GPR55: variants seen among roughly 807,000 people sequenced by gnomAD.
GPR55 encodes G-protein coupled receptor 55.
Under a neutral mutation model 7.9 loss-of-function variants are expected in GPR55, and 6 were observed. The observed-to-expected ratio is 0.76, with a 90% CI of 0.41 to 1.49. The LOEUF is 1.49. GPR55 is among the 40% of genes most tolerant of loss of function. GPR55 has a pLI of 0.01. For synonymous variants in GPR55, 183 were observed against 166.8 expected, an observed-to-expected ratio of 1.10 and a Z score of -0.75; for missense variants, 376 against 406.0, an observed-to-expected ratio of 0.93 and a Z score of 0.63.
Position 230,944,185 on chromosome 2 carries a change from C to G in GPR55, c.-135+16590G>C, listed in dbSNP as rs1691277470. On this transcript the variant is annotated intron_variant, in intron 1 of 1. Transcript: ENST00000392039. This position sits in a 1 kb window ranked among gnomAD's most constrained non-coding sequence, Gnocchi z 4.2. ...CCAGAGAGGACCTCAAGGAGACTTC[C>G]CAGGAAATTACCCACCACTGGACAT... Among the ~76,000 whole-genome samples, 1 of 152,178 alleles carries G rather than the reference C, an allele frequency of 6.6e-6. No homozygotes were observed. The highest frequency in any genetic ancestry group is 1.5e-5 in the Non-Finnish European group (1 of 68,030).
At chr2:230,912,160 C>G (rs1477596236) in intron 1 of GPR55, among the ~76,000 whole-genome samples, 1 of 152,182 alleles carries the variant, frequency 6.6e-6, no homozygotes, top group Admixed American at 6.5e-5. Context: ...ATGGAATGTG[C>G]CACATTCACT....
chr2:230,959,713 C>T (rs970930143), intron 1 of GPR55, among the ~76,000 whole-genome samples: 1 of 151,982 alleles, frequency 6.6e-6, no homozygotes, highest in Non-Finnish European at 1.5e-5. Context: ...AACAGTAATT[C>T]TTGATTTTTG....
intron 1 of GPR55, among the ~76,000 whole-genome samples, chr2:230,941,478 T>G (rs1341832743): frequency 6.6e-6 from 1 of 152,198 alleles, no homozygotes; most frequent in Admixed American, 6.5e-5. Context: ...TGTTTCTGCC[T>G]CCTCTGCCAT....
At chr2:230,927,608 G>C (rs1480557048), upstream of GPR55, among the ~76,000 whole-genome samples, 1 of 152,218 alleles carries the variant, frequency 6.6e-6, no homozygotes, top group Non-Finnish European at 1.5e-5. Flanking sequence ...TTGGGAGCCT[G>C]GGCAGGTCCC....
At chr2:230,950,106 C>T (rs1223939652) in intron 1 of GPR55, among the ~76,000 whole-genome samples, 8 of 152,250 alleles carry the variant, frequency 5.3e-5, no homozygotes, top group African/African-American at 1.7e-4. Flanking sequence ...GGATTACAGG[C>T]GTGAGCCATC....
At chr2:230,914,451 C>A (rs1574619036) in intron 1 of GPR55, among the ~76,000 whole-genome samples, 4 of 152,248 alleles carry the variant, frequency 2.6e-5, no homozygotes, top group Admixed American at 1.3e-4. Flanking sequence ...GCAGAGTGAA[C>A]AGAGAATCTG....
chr2:230,944,924 G>C lies in GPR55; in HGVS notation c.-135+15851C>G, dbSNP rs1691287474. 1.3e-5 allele frequency among the ~76,000 whole-genome samples: 2 copies of C among 152,184 alleles called. No homozygotes were observed. Among genetic ancestry groups the C allele is most frequent in the African/African-American group, 4.8e-5 (2 of 41,448 alleles). On this transcript the variant is annotated intron_variant, in intron 1 of 1. Coordinates refer to the GPR55 transcript ENST00000392039. The surrounding 1 kb of genome is among the most constrained non-coding windows in gnomAD (Gnocchi z 4.2). Reference sequence around the variant, plus strand: ...AGGCCCTGCAGATGCGACAACGAACGTAGATGCTGTCCCAGCCACCCACAC... The same window carrying C: ...AGGCCCTGCAGATGCGACAACGAACCTAGATGCTGTCCCAGCCACCCACAC...
rs1368134801 is a variant in GPR55 at position 230,914,662 on chromosome 2, C to T, written c.-134-3566G>A. ...TCTACTTGTGGGTGGGGGAGGGGAA[C>T]GGGGCGGGGGGCAGCAACTAGCACC... On this transcript the variant is annotated intron_variant, in intron 1 of 1. Coordinates refer to ENST00000650999, the MANE Select transcript of GPR55 (RefSeq NM_005683.4). 1.6e-4 allele frequency among the ~76,000 whole-genome samples: 18 copies of T among 113,346 alleles called. 1 individual carries two copies. The South Asian group carries it at 3.1e-3, about 20-fold the overall frequency. 74.4% of individuals were successfully genotyped at this position (113,346 alleles called of 152,430 possible).
At chr2:230,939,204 G>C (rs1041106587) in intron 1 of GPR55, among the ~76,000 whole-genome samples, 2 of 152,208 alleles carry the variant, frequency 1.3e-5, no homozygotes, top group African/African-American at 4.8e-5. Context: ...TGGAGTTCTG[G>C]GGGGGCAGGG....
chr2:230,953,210 C>A (rs1691431341), intron 1 of GPR55, among the ~76,000 whole-genome samples: 2 of 152,158 alleles, frequency 1.3e-5, no homozygotes, highest in African/African-American at 4.8e-5. Context: ...GCAGAATAAT[C>A]TCCCCTGTCC....
chr2:230,908,329 G>C lies in GPR55; in HGVS notation c.*1674C>G, dbSNP rs1433898607. The stretch of plus-strand genomic sequence containing the variant: ...CATCCACCTAGGAGGAGGTGTACAG[G>C]GTGCCACTTGAACACAGCAACAGCG... On this transcript the variant is annotated 3_prime_UTR_variant, in exon 2 of 2. Coordinates refer to ENST00000650999, the MANE Select transcript of GPR55 (RefSeq NM_005683.4). 2.0e-5 allele frequency: 3 copies of C among 152,404 alleles called. No homozygotes were observed. Among genetic ancestry groups the C allele is most frequent in the African/African-American group, 7.2e-5 (3 of 41,394 alleles). The allele number at this position is 152,404 out of a possible 1,614,324, so 9.4% of individuals were successfully genotyped here.
chr2:230,925,668 A>G (rs1690930827), upstream of GPR55, among the ~76,000 whole-genome samples: 2 of 152,164 alleles, frequency 1.3e-5, no homozygotes, highest in African/African-American at 4.8e-5. Flanking sequence ...TTAGGATTTG[A>G]AACTGCTGCC....
upstream of GPR55, among the ~76,000 whole-genome samples, chr2:230,928,744 AG>A (rs1690984991): frequency 6.6e-6 from 1 of 152,188 alleles, no homozygotes; most frequent in Admixed American, 6.5e-5. Flanking sequence ...TCCAAGGAAA[AG>A]GGGTCCTAAA....
chr2:230,912,374 T>G (rs1332747604), intron 1 of GPR55, among the ~76,000 whole-genome samples: 2 of 152,198 alleles, frequency 1.3e-5, no homozygotes, highest in African/African-American at 4.8e-5. Flanking sequence ...GACATCAGCA[T>G]GGACTCCCAC....
chr2:230,932,867 G>GCTCT (rs144563608), intron 1 of GPR55, among the ~76,000 whole-genome samples: 5 of 150,278 alleles, frequency 3.3e-5, no homozygotes, highest in East Asian at 3.9e-4. Flanking sequence ...CAGGACTGCT[G>GCTCT]CTCTCTCTCT....
Position 230,941,948 on chromosome 2 carries a change from T to C in GPR55, c.-135+18827A>G, listed in dbSNP as rs141980940. On this transcript the variant is annotated intron_variant, in intron 1 of 1. Coordinates refer to the GPR55 transcript ENST00000392039. ...TTGACTGATCATTGAGAGATGGCCC[T>C]TTGTTCTCCAGCCCAGGGGTCCTGG... is the stretch of plus-strand genomic sequence containing the variant. 5.6e-3 allele frequency among the ~76,000 whole-genome samples: 854 copies of C among 152,300 alleles called. 8 individuals are homozygous for C. Among genetic ancestry groups the C allele is most frequent in the African/African-American group, 0.019 (810 of 41,556 alleles).
chr2:230,944,915 A>G lies in GPR55; in HGVS notation c.-135+15860T>C, dbSNP rs1006582643. Among the ~76,000 whole-genome samples, 4 of 152,170 alleles carry G rather than the reference A, an allele frequency of 2.6e-5. No individual in the cohort carries two copies. The highest frequency in any genetic ancestry group is 7.2e-5 in the African/African-American group (3 of 41,438). ...CGCTGCGCTAGGCCCTGCAGATGCG[A>G]CAACGAACGTAGATGCTGTCCCAGC... is the stretch of plus-strand genomic sequence containing the variant. On this transcript the variant is annotated intron_variant, in intron 1 of 1. Coordinates refer to the GPR55 transcript ENST00000392039. This position sits in a 1 kb window ranked among gnomAD's most constrained non-coding sequence, Gnocchi z 4.2.
rs60776285 is a variant in GPR55 at position 230,952,244 on chromosome 2, C to A, written c.-135+8531G>T. On this transcript the variant is annotated intron_variant, in intron 1 of 1. Transcript: ENST00000392039. The stretch of plus-strand genomic sequence containing the variant: ...CAGCTTGTGTGCCAGGAGCCACAAT[C>A]CTGGTGAGCACTTTGGAATGCTCCT... 4.7e-3 allele frequency among the ~76,000 whole-genome samples: 700 copies of A among 148,694 alleles called. 6 individuals carry two copies. Among genetic ancestry groups the A allele is most frequent in the African/African-American group, 0.017 (665 of 39,726 alleles).
intron 1 of GPR55, among the ~76,000 whole-genome samples, chr2:230,952,091 G>T (rs969143950): frequency 7.2e-5 from 11 of 152,140 alleles, no homozygotes; most frequent in African/African-American, 1.7e-4. Flanking sequence ...GGAGAGGGAG[G>T]GGGGGTTACT....
Sources: gnomAD v4.1 joint callset for allele counts (sites outside exome capture counted in the v4.1 genomes callset) on GRCh38, gnomAD v4.1.1 for gene constraint, Gnocchi (gnomAD v3.1) non-coding constraint, MANE v1.5 for transcripts, NCBI Gene and HGNC (gene_info 2026-07-23, HGNC 2026-07-21) for gene names.